The following SRGAP1 variants were observed in gnomAD, a reference collection of about 807,000 sequenced individuals.
SRGAP1 encodes SLIT-ROBO Rho GTPase-activating protein 1.
SRGAP1 carries 43 observed loss-of-function variants against 121.9 expected under a neutral mutation model. That is an observed-to-expected ratio of 0.35 (90% CI 0.28 to 0.46). SRGAP1 has a LOEUF of 0.46. Among genes scored for constraint, SRGAP1 ranks in the 20% least tolerant of loss-of-function variants. The pLI is 1.00. For missense variants in SRGAP1, 1,102 were observed against 1,350.9 expected (o/e 0.82, Z 2.89); for synonymous variants, 447 against 485.4 (o/e 0.92, Z 1.04).
At chr12:63,999,852 A>G (rs2033824958) in intron 3 of SRGAP1, among the ~76,000 whole-genome samples, 2 of 152,122 alleles carry the variant, frequency 1.3e-5, no homozygotes, top group Admixed American at 6.6e-5. Context: ...CAGGGAGAAC[A>G]TATAGGGTGA....
At chr12:64,076,818 A>G (rs1432978956) in intron 8 of SRGAP1, among the ~76,000 whole-genome samples, 3 of 151,868 alleles carry the variant, frequency 2.0e-5, no homozygotes, top group Non-Finnish European at 4.4e-5. Context: ...GCTATTTTGT[A>G]TTTTTAGTAG....
chr12:63,915,594 A>G (rs1282604045), intron 1 of SRGAP1, among the ~76,000 whole-genome samples: 3 of 152,228 alleles, frequency 2.0e-5, no homozygotes, highest in African/African-American at 7.2e-5. Context: ...TTAGCTGGAG[A>G]CACTGAGTGA....
intron 1 of SRGAP1, among the ~76,000 whole-genome samples, chr12:63,966,212 A>G (rs1272389679): frequency 1.3e-5 from 2 of 152,252 alleles, no homozygotes; most frequent in African/African-American, 4.8e-5. Flanking sequence ...GGAATGTGGG[A>G]AGATGTTTTA....
rs888825718 is a variant in SRGAP1 at position 63,901,032 on chromosome 12, G to A, written c.67+56149G>A. ...AAATGAGAGACAGTTCTGACCTGCTGGTTTGGGTTGCTGCTATGTGGCTGT... is the reference window on the plus strand; with the variant it reads ...AAATGAGAGACAGTTCTGACCTGCTAGTTTGGGTTGCTGCTATGTGGCTGT... On this transcript the variant is annotated intron_variant, in intron 1 of 21. Transcript: ENST00000355086. 3.3e-5 allele frequency among the ~76,000 whole-genome samples: 5 copies of A among 151,476 alleles called. No homozygotes were observed. In the South Asian group the frequency reaches 8.4e-4, roughly 25 times the overall value.
chr12:63,941,550 G>T (rs2031868328), intron 1 of SRGAP1, among the ~76,000 whole-genome samples: 1 of 151,986 alleles, frequency 6.6e-6, no homozygotes, highest in African/African-American at 2.4e-5. Flanking sequence ...TATTTTAGAA[G>T]TTCACTTGGG....
At chr12:64,015,993 C>T (rs1462934702) in intron 3 of SRGAP1, among the ~76,000 whole-genome samples, 1 of 152,140 alleles carries the variant, frequency 6.6e-6, no homozygotes. Context: ...CTCTATCAAA[C>T]TCTCAGAATT....
chr12:64,104,662 T>C (rs2036311928), intron 15 of SRGAP1, among the ~76,000 whole-genome samples: 1 of 152,128 alleles, frequency 6.6e-6, no homozygotes, highest in African/African-American at 2.4e-5. Context: ...GAATTGGGAG[T>C]CCTGCTCGCA....
rs2029985191 is a variant in SRGAP1 at position 63,902,547 on chromosome 12, AGGCATCTGTT to A, written c.67+57665_67+57674del. Among the ~76,000 whole-genome samples, 3 of 152,306 alleles carry A rather than the reference AGGCATCTGTT, an allele frequency of 2.0e-5. No individual in the cohort carries two copies. In the South Asian group the frequency reaches 6.2e-4, roughly 32 times the overall value. On this transcript the variant is annotated intron_variant, in intron 1 of 21. Coordinates refer to ENST00000355086, the MANE Select transcript of SRGAP1 (RefSeq NM_020762.4). ...TTTACTGCCTATTCAGAGAGACTGG[AGGCATCTGTT>A]CAAAAGTCTTCCCTAAAATGATGGA... is the stretch of plus-strand genomic sequence containing the variant.
intron 1 of SRGAP1, among the ~76,000 whole-genome samples, chr12:63,918,000 A>G (rs191411932): frequency 1.7e-4 from 26 of 152,340 alleles, no homozygotes; most frequent in Middle Eastern, 6.8e-3. Context: ...TTTGGTGGCT[A>G]CAAGATTTCC....
intron 4 of SRGAP1, among the ~76,000 whole-genome samples, chr12:64,040,129 G>GA: frequency 6.6e-6 from 1 of 152,096 alleles, no homozygotes; most frequent in Non-Finnish European, 1.5e-5. Flanking sequence ...TAGTCATCTT[G>GA]AGAACATGTG....
At chr12:63,914,766 C>G (rs1197887033) in intron 1 of SRGAP1, among the ~76,000 whole-genome samples, 5 of 151,962 alleles carry the variant, frequency 3.3e-5, no homozygotes, top group African/African-American at 1.2e-4. Context: ...CCCTCTGATT[C>G]ATTTACTATA....
At chr12:64,120,495 T>C (rs1457391248) in intron 18 of SRGAP1, 2 of 152,212 alleles carry the variant, frequency 1.3e-5, no homozygotes, top group Non-Finnish European at 2.9e-5. Context: ...AGATAGGTTA[T>C]TTCCTTAATG....
intron 1 of SRGAP1, among the ~76,000 whole-genome samples, chr12:63,870,017 C>T (rs1012057823): frequency 6.6e-6 from 1 of 152,162 alleles, no homozygotes; most frequent in South Asian, 2.1e-4. Context: ...GTGCTGGAAC[C>T]ATCCTGCAGG....
chr12:64,046,138 T>G (rs922055016), intron 6 of SRGAP1, among the ~76,000 whole-genome samples: 13 of 152,142 alleles, frequency 8.5e-5, no homozygotes, highest in African/African-American at 3.1e-4. Context: ...CAGAGGTGTG[T>G]CTTCCCATCT....
At chr12:64,056,715 G>GC (rs376933506) in intron 6 of SRGAP1, among the ~76,000 whole-genome samples, 2 of 152,120 alleles carry the variant, frequency 1.3e-5, no homozygotes, top group African/African-American at 4.8e-5. Context: ...GTCATCTCTT[G>GC]CAACTTTTCC....
rs1387379197 is a variant in SRGAP1 at position 64,128,123 on chromosome 12, A to G, written c.2803A>G (p.Ile935Val). Reference sequence around the variant, plus strand: ...CCTCAAGAAGATCGACAGCCCTCCCATTAGAAGGTCCACGTCATCAGGGCA... The same window carrying G: ...CCTCAAGAAGATCGACAGCCCTCCCGTTAGAAGGTCCACGTCATCAGGGCA... Reference protein sequence around the residue: ...DSLKKIDSPPIRRSTSSGQYT... With the variant: ...DSLKKIDSPPVRRSTSSGQYT... Residue 935 changes from isoleucine (I) to valine (V), a missense_variant, in exon 21 of 22, where the codon ATT (isoleucine) becomes GTT (valine). This residue lies in a region of SRGAP1 where 315 missense variants were observed against 343.1 expected (regional missense o/e 0.92). Transcript: ENST00000355086. The G allele has an allele frequency of 6.2e-7, 1 of 1,614,032 alleles. No individual in the cohort carries two copies. The highest frequency in any genetic ancestry group is 8.5e-7 in the Non-Finnish European group (1 of 1,180,036).
At chr12:64,012,966 G>T (rs879937889) in intron 3 of SRGAP1, among the ~76,000 whole-genome samples, 3 of 151,752 alleles carry the variant, frequency 2.0e-5, no homozygotes, top group Non-Finnish European at 4.4e-5. Context: ...TTAAATTCCT[G>T]AGCTCAAGTA....
intron 3 of SRGAP1, among the ~76,000 whole-genome samples, chr12:63,996,571 A>G (rs987681441): frequency 6.6e-6 from 1 of 152,142 alleles, no homozygotes; most frequent in Non-Finnish European, 1.5e-5. Context: ...GTTGTCATGT[A>G]CAAACAGGTC....
chr12:64,008,158 A>G (rs1020171126), intron 3 of SRGAP1, among the ~76,000 whole-genome samples: 2 of 152,198 alleles, frequency 1.3e-5, no homozygotes, highest in African/African-American at 4.8e-5. Context: ...CCTATTTTAC[A>G]GCGGAAACAG....
Sources: gnomAD v4.1 joint callset for allele counts (sites outside exome capture counted in the v4.1 genomes callset) on GRCh38, gnomAD v4.1.1 for gene constraint, gnomAD v4.1.1 regional missense constraint, MANE v1.5 for transcripts, NCBI Gene and HGNC (gene_info 2026-07-23, HGNC 2026-07-21) for gene names.